DLG2: variants seen among roughly 807,000 people sequenced by gnomAD.
DLG2 encodes disks large homolog 2.
DLG2 carries 45 observed loss-of-function variants against 132.5 expected under a neutral mutation model. The ratio of observed to expected loss-of-function variants is 0.34; its 90% CI spans 0.27 to 0.44. The LOEUF is 0.44. Among genes scored for constraint, DLG2 ranks in the 20% least tolerant of loss-of-function variants. The pLI is 1.00. For synonymous variants in DLG2, 424 were observed against 419.6 expected (o/e 1.01, Z -0.13); for missense variants, 1,045 against 1,196.9 (o/e 0.87, Z 1.87).
rs2079900228 is a variant in DLG2 at position 85,183,817 on chromosome 11, T to C, written c.187-29166A>G. ...GTTCATTATCTTAGCTGGAACTCCA[T>C]CCGTTTCTTGCTTCTCACTCTTTCT... On this transcript the variant is annotated intron_variant, in intron 4 of 27. Coordinates refer to ENST00000376104, the MANE Select transcript of DLG2 (RefSeq NM_001142699.3). Among the ~76,000 whole-genome samples the C allele has an allele frequency of 2.6e-5, 4 of 151,868 alleles. No individual in the cohort carries two copies. The South Asian group carries it at 6.2e-4, about 24-fold the overall frequency.
intron 3 of DLG2, among the ~76,000 whole-genome samples, chr11:85,560,673 T>C (rs1228080742): frequency 1.3e-5 from 2 of 151,896 alleles, no homozygotes; most frequent in Non-Finnish European, 2.9e-5. Flanking sequence ...TGTTGAATGA[T>C]ACACTTATAA....
chr11:85,001,808 G>A (rs371657085), intron 6 of DLG2, among the ~76,000 whole-genome samples: 5 of 152,150 alleles, frequency 3.3e-5, no homozygotes, highest in Admixed American at 2.0e-4. Flanking sequence ...TACAACAAAT[G>A]TACCACTCAG....
intron 6 of DLG2, among the ~76,000 whole-genome samples, chr11:85,093,943 G>C (rs1486370558): frequency 6.6e-6 from 1 of 152,112 alleles, no homozygotes; most frequent in African/African-American, 2.4e-5. Flanking sequence ...TCCAAATAAA[G>C]ACAATAACAA....
intron 9 of DLG2, among the ~76,000 whole-genome samples, chr11:84,120,472 T>C (rs760523932): frequency 6.6e-6 from 1 of 152,160 alleles, no homozygotes; most frequent in Admixed American, 6.5e-5. Context: ...TCACAATGAC[T>C]CTGAGAAAGG....
chr11:85,270,907 A>T (rs1439532352), intron 4 of DLG2, among the ~76,000 whole-genome samples: 1 of 152,214 alleles, frequency 6.6e-6, no homozygotes, highest in Non-Finnish European at 1.5e-5. Flanking sequence ...GAAGCAGAGT[A>T]TGAAAGTTTG....
chr11:84,264,826 A>G (rs536001355), intron 7 of DLG2, among the ~76,000 whole-genome samples: 17 of 152,146 alleles, frequency 1.1e-4, no homozygotes, highest in African/African-American at 3.9e-4. Context: ...CTTTTATGTC[A>G]TAGGATGAGC....
At chr11:85,101,354 A>G (rs966371266) in intron 6 of DLG2, among the ~76,000 whole-genome samples, 41 of 152,290 alleles carry the variant, frequency 2.7e-4, no homozygotes, top group African/African-American at 8.9e-4. Context: ...CCTAAGAAAT[A>G]TTAAGAAGAC....
At chr11:84,920,829 G>C (rs2092718037) in intron 6 of DLG2, among the ~76,000 whole-genome samples, 1 of 151,880 alleles carries the variant, frequency 6.6e-6, no homozygotes, top group African/African-American at 2.4e-5. Flanking sequence ...ATTTTATAAA[G>C]GTCCTATTAA....
chr11:83,813,563 T>C (rs1266963377), intron 17 of DLG2, among the ~76,000 whole-genome samples: 1 of 152,090 alleles, frequency 6.6e-6, no homozygotes, highest in Admixed American at 6.5e-5. Context: ...CTCAGTAACA[T>C]CAGAAAATGG....
At chr11:85,087,858 A>AAAAAAAAAAAAAAAAAAAAAAAAAAAG in intron 6 of DLG2, among the ~76,000 whole-genome samples, 1 of 148,374 alleles carries the variant, frequency 6.7e-6, no homozygotes, top group South Asian at 2.1e-4. Context: ...AAAAAAAAAA[A>AAAAAAAAAAAAAAAAAAAAAAAAAAAG]AAAAAAAAAA....
chr11:85,502,648 C>T (rs1271814897), intron 3 of DLG2, among the ~76,000 whole-genome samples: 1 of 151,790 alleles, frequency 6.6e-6, no homozygotes, highest in Non-Finnish European at 1.5e-5. Flanking sequence ...TGAGGCCTGT[C>T]GGCGGGTTGG....
intron 16 of DLG2, among the ~76,000 whole-genome samples, chr11:83,847,108 G>A (rs11233757): frequency 0.61 from 92,221 of 151,904 alleles, 28,424 homozygotes; most frequent in Middle Eastern, 0.73. Context: ...TAAAAGGAAT[G>A]TTTTTTGATA....
chr11:84,773,276 A>T (rs59645284), intron 6 of DLG2, among the ~76,000 whole-genome samples: 225 of 152,298 alleles, frequency 1.5e-3, no homozygotes, highest in African/African-American at 5.2e-3. Flanking sequence ...TTCAGAACTG[A>T]ATCAGTAATA....
chr11:85,509,563 G>A (rs1019453300), intron 3 of DLG2, among the ~76,000 whole-genome samples: 3 of 152,018 alleles, frequency 2.0e-5, no homozygotes, highest in Admixed American at 2.0e-4. Context: ...ACAAACACAC[G>A]TTCTAGCTGT....
chr11:84,238,000 C>T (rs1174002309), intron 8 of DLG2, among the ~76,000 whole-genome samples: 1 of 134,126 alleles, frequency 7.5e-6, no homozygotes, highest in Non-Finnish European at 1.5e-5. Flanking sequence ...CGAGAGATCA[C>T]ACCACTGCAC....
chr11:85,336,499 A>C (rs991458421), intron 3 of DLG2: 11 of 156,702 alleles, frequency 7.0e-5, no homozygotes, highest in Non-Finnish European at 1.5e-4. Flanking sequence ...GCAGCAGCTG[A>C]GGAGGTGGCC....
chr11:83,929,433 C>A (rs140668175), intron 15 of DLG2, among the ~76,000 whole-genome samples: 7 of 152,252 alleles, frequency 4.6e-5, no homozygotes, highest in African/African-American at 1.7e-4. Context: ...TTGTGGAACG[C>A]TGAATTCTAT....
intron 6 of DLG2, among the ~76,000 whole-genome samples, chr11:84,988,151 T>C (rs2056704702): frequency 6.6e-6 from 1 of 152,112 alleles, no homozygotes; most frequent in South Asian, 2.1e-4. Flanking sequence ...ATGCTCAACG[T>C]CACTAATGAT....
At chr11:84,094,419 A>G (rs897394180) in intron 10 of DLG2, among the ~76,000 whole-genome samples, 1 of 152,206 alleles carries the variant, frequency 6.6e-6, no homozygotes, top group African/African-American at 2.4e-5. Flanking sequence ...TCCTTGGAGC[A>G]AACCCATCAC....
Sources: gnomAD v4.1 joint callset for allele counts (sites outside exome capture counted in the v4.1 genomes callset) on GRCh38, gnomAD v4.1.1 for gene constraint, MANE v1.5 for transcripts, NCBI Gene and HGNC (gene_info 2026-07-23, HGNC 2026-07-21) for gene names.